Variants in C9orf78 observed in about 807,000 individuals in gnomAD.
C9orf78 encodes chromosome 9 open reading frame 78.
Under a neutral mutation model 37.4 loss-of-function variants are expected in C9orf78, and 19 were observed. That is an observed-to-expected ratio of 0.51 (90% confidence interval 0.35 to 0.74). The LOEUF is 0.74. Ranked by LOEUF, C9orf78 falls within the 30% of genes least tolerant of loss-of-function variation. The pLI, the probability that C9orf78 is intolerant of heterozygous loss-of-function variation, is 0.01. For synonymous variants in C9orf78, 130 were observed against 128.0 expected, an observed-to-expected ratio of 1.02 and a Z score of -0.10; for missense variants, 291 against 370.8, an observed-to-expected ratio of 0.78 and a Z score of 1.77.
chr9:129,833,207 G>A (rs1437576964), intron 4 of C9orf78, among the ~76,000 whole-genome samples: 3 of 151,092 alleles, frequency 2.0e-5, no homozygotes, highest in South Asian at 2.1e-4. Context: ...TGGGATTATA[G>A]GCATGAGTCA....
intron 2 of C9orf78, chr9:129,834,403 A>G (rs1350057577): frequency 1.4e-5 from 5 of 366,928 alleles, no homozygotes; most frequent in Non-Finnish European, 2.4e-5. Context: ...CGTCTTGACT[A>G]TACTTTTCTA....
At chr9:129,834,677 GCCT>G (rs751150302) in intron 2 of C9orf78, 27 bp downstream of exon 2, 99 of 1,549,562 alleles carry the variant, frequency 6.4e-5, no homozygotes, top group East Asian at 1.1e-4. Context: ...CGTCCCCGCC[GCCT>G]CCTCCTCCTC....
intron 5 of C9orf78, 42 bp downstream of exon 5, chr9:129,831,854 G>A (rs1224741824): frequency 1.4e-5 from 13 of 935,616 alleles, no homozygotes; most frequent in Non-Finnish European, 2.0e-5. Flanking sequence ...TCTGACTGGA[G>A]TCCAGCCCCA....
Position 129,834,898 on chromosome 9 carries a change from A to C in C9orf78, c.84-132T>G, listed in dbSNP as rs2031664938. 17 of 765,036 alleles carry C rather than the reference A, an allele frequency of 2.2e-5. No homozygotes were observed. The South Asian group carries it at 2.7e-4, about 12-fold the overall frequency. 47.4% of individuals were successfully genotyped at this position (765,036 alleles called of 1,614,324 possible). A position where few individuals can be genotyped will look rare whatever the true frequency, so the allele number is the denominator to read the frequency against. ...CTGAGCCACCAGCACAGTGGTCCAG[A>C]GGACGACCTTGTGCCTAGACCCACC... On this transcript the variant is annotated intron_variant, in intron 1 of 8. Coordinates refer to ENST00000372447, the MANE Select transcript of C9orf78 (RefSeq NM_016520.3).
intron 4 of C9orf78, 118 bp from the exon 5 acceptor site, chr9:129,832,091 A>C (rs1182918597): frequency 2.5e-5 from 6 of 244,566 alleles, no homozygotes; most frequent in South Asian, 5.6e-5. Flanking sequence ...TACAGTTGGC[A>C]AAAAAAAAAA....
In C9orf78 at chr9:129,833,474, T is replaced by C; in HGVS notation, c.239A>G (p.Lys80Arg). 1 of 1,605,796 alleles carries C rather than the reference T, an allele frequency of 6.2e-7. No homozygotes were observed. The change falls in exon 4 of 9, where the codon AAG becomes AGG. Residue 80 changes from lysine (K) to arginine (R), a missense_variant. Around this residue, in one of 3 missense-constraint regions of C9orf78, gnomAD observed 158 missense variants for 174.8 expected, o/e 0.90. Coordinates refer to ENST00000372447, the MANE Select transcript of C9orf78 (RefSeq NM_016520.3). ...ATCTTTGCCCCTTTCCTTCAGTTTC[T>C]TCATATCCACCATACCACCTGTCTT... ...QMKTGGMVDM[K>R]KLKERGKDKI...
In C9orf78 at chr9:129,833,516, T is replaced by A; in HGVS notation, c.197A>T (p.Asp66Val). Residue 66 changes from aspartate to valine, a missense_variant and splice_region_variant, in exon 4 of 9, where the codon GAT (aspartate) becomes GTT (valine). Physicochemically the swap from Asp to Val is radical, Grantham distance 152 (BLOSUM62 -3). Around this residue, in one of 3 missense-constraint regions of C9orf78, gnomAD observed 158 missense variants for 174.8 expected, o/e 0.90. Coordinates refer to ENST00000372447, the MANE Select transcript of C9orf78 (RefSeq NM_016520.3). ...ACCTGTCTTCATCTGAAAGGGATCA[T>A]CCTGCAGAAAGCAAACACAGTTAAG... ...EKVQEETTLV[D>V]DPFQMKTGGM... 1 of 1,602,108 alleles carries A rather than the reference T, an allele frequency of 6.2e-7. No homozygotes were observed. Among genetic ancestry groups the A allele is most frequent in the Non-Finnish European group, 8.6e-7 (1 of 1,169,128 alleles).
At chr9:129,828,823 T>A (rs902820497) in intron 8 of C9orf78, 2 of 353,670 alleles carry the variant, frequency 5.7e-6, no homozygotes, top group Non-Finnish European at 1.1e-5. Context: ...CTTGAACTCT[T>A]AGTCTCAAGC....
chr9:129,833,818 G>T, intron 2 of C9orf78, 109 bp from the exon 3 acceptor site: 1 of 729,614 alleles, frequency 1.4e-6, no homozygotes, highest in Non-Finnish European at 2.3e-6. Context: ...TGCAAGGGTG[G>T]GATTTGAGGG....
At position 129,829,027 on chromosome 9, in the gene C9orf78, T is replaced by G. The variant is rs553733967; in HGVS notation, c.778+178A>C. ...CAGGTAGGTTCTATTAGGATTCCAATGAGGAAACTGAGGCTTAGAAAGGGG... is the reference window on the plus strand; with the variant it reads ...CAGGTAGGTTCTATTAGGATTCCAAGGAGGAAACTGAGGCTTAGAAAGGGG... On this transcript the variant is annotated intron_variant, in intron 8 of 8. Transcript: ENST00000372447. 56 of 691,488 alleles carry G rather than the reference T, an allele frequency of 8.1e-5. No homozygotes were observed. The East Asian group carries it at 1.5e-3, about 18-fold the overall frequency. 42.8% of individuals were successfully genotyped at this position (691,488 alleles called of 1,614,324 possible). A position where few individuals can be genotyped will look rare whatever the true frequency, so the allele number is the denominator to read the frequency against.
Position 129,829,460 on chromosome 9 carries a change from G to T in C9orf78, c.624C>A (p.Ser208Arg). The change falls in exon 7 of 9, where the codon AGC becomes AGA. Residue 208 changes from serine (S) to arginine (R), a missense_variant. Physicochemically the swap from Ser to Arg is moderately radical, Grantham distance 110. Coordinates refer to ENST00000372447, the MANE Select transcript of C9orf78 (RefSeq NM_016520.3). ...LAEQQNKKKD[S>R]ETSFVPTNMA... ...TGTTGGTAGGCACGAAGGAGGTCTCGCTGTCTTTCTTCTTGTTCTGCTGCT... is the reference window on the plus strand; with the variant it reads ...TGTTGGTAGGCACGAAGGAGGTCTCTCTGTCTTTCTTCTTGTTCTGCTGCT... 6.2e-7 allele frequency: 1 copy of T among 1,614,004 alleles called. No individual in the cohort carries two copies. The highest frequency in any genetic ancestry group is 8.5e-7 in the Non-Finnish European group (1 of 1,179,946).
At chr9:129,831,366 TCCCTG>T (rs1354380976) in intron 5 of C9orf78, 2 of 427,332 alleles carry the variant, frequency 4.7e-6, no homozygotes, top group Non-Finnish European at 8.4e-6. Flanking sequence ...CCATGTTTTA[TCCCTG>T]CAATGTTTTG....
intron 6 of C9orf78, chr9:129,830,570 G>C: frequency 5.5e-6 from 2 of 364,812 alleles, no homozygotes; most frequent in African/African-American, 2.1e-5. Flanking sequence ...CTGGAGTGCA[G>C]TGGCATGATC....
intron 4 of C9orf78, among the ~76,000 whole-genome samples, chr9:129,833,056 T>A (rs2031548642): frequency 7.2e-6 from 1 of 139,798 alleles, no homozygotes; most frequent in African/African-American, 2.6e-5. Context: ...TATGTGTATA[T>A]GTGTGTACAT....
In C9orf78 at chr9:129,832,266, A is replaced by C. The variant is rs149075494; in HGVS notation, c.267-293T>G. Among the ~76,000 whole-genome samples, 817 of 152,316 alleles carry C rather than the reference A, an allele frequency of 5.4e-3. 10 individuals are homozygous for C. Among genetic ancestry groups the C allele is most frequent in the African/African-American group, 0.019 (779 of 41,572 alleles). ...GGATACCAAAATCTGCAGATAGTGA[A>C]GTCCCTTACATAAAATAGTATAATA... On this transcript the variant is annotated intron_variant, in intron 4 of 8. Transcript: ENST00000372447.
chr9:129,833,087 GTGTA>G (rs2031551813), intron 4 of C9orf78, among the ~76,000 whole-genome samples: 1 of 139,330 alleles, frequency 7.2e-6, no homozygotes, highest in Non-Finnish European at 1.6e-5. Flanking sequence ...GTGTGTGTGT[GTGTA>G]TACATACACA....
intron 2 of C9orf78, 37 bp downstream of exon 2, chr9:129,834,670 C>T (rs777715634): frequency 2.6e-6 from 4 of 1,513,380 alleles, no homozygotes; most frequent in African/African-American, 1.4e-5. Context: ...TGTCTGTCGT[C>T]CCCGCCGCCT....
At chr9:129,832,474 T>C (rs1203506436) in intron 4 of C9orf78, among the ~76,000 whole-genome samples, 1 of 152,234 alleles carries the variant, frequency 6.6e-6, no homozygotes, top group Non-Finnish European at 1.5e-5. Flanking sequence ...AGTCTCACTC[T>C]GTCACCCAGG....
At chr9:129,831,613 G>A (rs1326500539) in intron 5 of C9orf78, 5 of 322,508 alleles carry the variant, frequency 1.6e-5, no homozygotes, top group Admixed American at 4.5e-5. Flanking sequence ...CAGTAGGGAC[G>A]GGGTTTCTCC....
Sources: allele counts gnomAD v4.1 joint callset (sites outside exome capture counted in the v4.1 genomes callset), GRCh38; gene constraint gnomAD v4.1.1; regional missense constraint gnomAD v4.1.1; transcripts MANE v1.5; gene names NCBI Gene and HGNC (gene_info 2026-07-23, HGNC 2026-07-21).